Variants in RXRA observed in about 807,000 individuals in gnomAD.
RXRA encodes the protein retinoic acid receptor RXR-alpha.
In RXRA, 5 loss-of-function variants were observed where a neutral mutation model predicts 44.5. That is an observed-to-expected ratio of 0.11 (90% CI 0.06 to 0.24). RXRA has a LOEUF of 0.24. RXRA is among the 10% of genes least tolerant of loss of function. The pLI is 1.00. For synonymous variants in RXRA, 291 were observed against 271.4 expected (o/e 1.07, Z -0.71); for missense variants, 412 against 646.5 (o/e 0.64, Z 3.93).
At chr9:134,430,443 C>G (rs1831514768) in intron 7 of RXRA, among the ~76,000 whole-genome samples, 1 of 152,216 alleles carries the variant, frequency 6.6e-6, no homozygotes. Flanking sequence ...GGATTAATGC[C>G]CCAGCAGCAA....
In RXRA at chr9:134,426,306, C is replaced by CGATG; in HGVS notation, c.911-2799_911-2796dup. 1.0e-6 allele frequency: 1 copy of CGATG among 985,406 alleles called. No individual in the cohort carries two copies. Among genetic ancestry groups the CGATG allele is most frequent in the Non-Finnish European group, 1.2e-6 (1 of 829,926 alleles). The allele number at this position is 985,406 out of a possible 1,614,324, so 61.0% of individuals were successfully genotyped here. On this transcript the variant is annotated intron_variant, in intron 6 of 9. Coordinates refer to ENST00000481739, the MANE Select transcript of RXRA (RefSeq NM_002957.6). This position sits in a 1 kb window ranked among gnomAD's most constrained non-coding sequence, Gnocchi z 4.6. ...GGGCCAGGAGCCCTCCTTCCTGCAG[C>CGATG]GATGGAGCACTTAGGAAGGTGAAGA...
chr9:134,434,921 G>A (rs917235162), intron 9 of RXRA, among the ~76,000 whole-genome samples: 5 of 151,910 alleles, frequency 3.3e-5, no homozygotes, highest in Non-Finnish European at 4.4e-5. Context: ...AGGCCTTCCC[G>A]CCACCAGCAC....
At chr9:134,379,575 C>T (rs1830610571) in intron 1 of RXRA, 2 of 985,442 alleles carry the variant, frequency 2.0e-6, no homozygotes, top group Non-Finnish European at 2.4e-6. Flanking sequence ...GGGCTTGCTC[C>T]AGGCCTTGGG....
chr9:134,371,531 T>C (rs1830491046), intron 1 of RXRA, among the ~76,000 whole-genome samples: 1 of 152,230 alleles, frequency 6.6e-6, no homozygotes, highest in Non-Finnish European at 1.5e-5. Context: ...TTCCATAACA[T>C]GATCTCCCCT....
At chr9:134,387,330 G>A (rs186748060) in intron 1 of RXRA, among the ~76,000 whole-genome samples, 97 of 152,356 alleles carry the variant, frequency 6.4e-4, no homozygotes, top group African/African-American at 1.7e-3. Context: ...TCCCTAGAAG[G>A]ATGCGCTCTC....
chr9:134,404,694 A>G (rs1286632959), intron 2 of RXRA: 1 of 152,670 alleles, frequency 6.6e-6, no homozygotes, highest in Non-Finnish European at 1.5e-5. Flanking sequence ...ACAGGCGCCT[A>G]CCCGCCAGGG....
chr9:134,423,138 G>A (rs904860027), intron 6 of RXRA: 16 of 985,346 alleles, frequency 1.6e-5, no homozygotes, highest in South Asian at 4.7e-5. Context: ...TGTGAGGGGC[G>A]TGCTGACTGG....
intron 1 of RXRA, among the ~76,000 whole-genome samples, chr9:134,397,549 G>A (rs1037306210): frequency 6.6e-6 from 1 of 152,074 alleles, no homozygotes; most frequent in Non-Finnish European, 1.5e-5. Context: ...AAATCTAGTA[G>A]CTGTGAGAGG....
intron 1 of RXRA, among the ~76,000 whole-genome samples, chr9:134,373,694 G>T (rs185065072): frequency 6.6e-6 from 1 of 152,278 alleles, no homozygotes; most frequent in South Asian, 2.1e-4. Flanking sequence ...GAGGTGAGTG[G>T]CACCTCCCAC....
In RXRA at chr9:134,436,666, G is replaced by T; in HGVS notation, c.*52G>T. The T allele has an allele frequency of 6.2e-7, 1 of 1,605,036 alleles. No individual in the cohort carries two copies. The highest frequency in any genetic ancestry group is 8.5e-7 in the Non-Finnish European group (1 of 1,174,694). ...CCCGTTCTGGCCACCCTGCCTGGAC[G>T]CCAGCTGTTCTTCTCAGCCTGAGCC... On this transcript the variant is annotated 3_prime_UTR_variant, in exon 10 of 10. Transcript: ENST00000481739.
rs769141856 is a variant in RXRA, at chr9:134,401,536, C to T, written c.29-96C>T. 2.5e-4 allele frequency: 393 copies of T among 1,579,942 alleles called. 1 individual carries two copies. The highest frequency in any genetic ancestry group is 2.9e-4 in the Non-Finnish European group (340 of 1,167,840). On this transcript the variant is annotated intron_variant, in intron 1 of 9. Coordinates refer to ENST00000481739, the MANE Select transcript of RXRA (RefSeq NM_002957.6). ...CACCTTGAGGGTGCCGGGGTCTTCCCGCAGGTGCGTGCATCTGTAGCTGGG... is the reference window on the plus strand; with the variant it reads ...CACCTTGAGGGTGCCGGGGTCTTCCTGCAGGTGCGTGCATCTGTAGCTGGG...
At chr9:134,370,464 T>G (rs560989622) in intron 1 of RXRA, among the ~76,000 whole-genome samples, 2 of 152,364 alleles carry the variant, frequency 1.3e-5, no homozygotes, top group South Asian at 4.1e-4. Context: ...GCTGGTTTAC[T>G]TTGTCTCTCG....
chr9:134,378,578 A>G (rs537225869), intron 1 of RXRA, among the ~76,000 whole-genome samples: 1 of 152,302 alleles, frequency 6.6e-6, no homozygotes, highest in South Asian at 2.1e-4. Flanking sequence ...GTCCCCAAGG[A>G]GCAGTACCTG....
chr9:134,333,102 G>A (rs546765076), intron 1 of RXRA, among the ~76,000 whole-genome samples: 294 of 152,302 alleles, frequency 1.9e-3, no homozygotes, highest in Non-Finnish European at 3.0e-3. Flanking sequence ...TCTTGGGGCC[G>A]GATCAGGGAT....
chr9:134,339,640 C>T (rs371484480), intron 1 of RXRA, among the ~76,000 whole-genome samples: 20 of 122,766 alleles, frequency 1.6e-4, no homozygotes, highest in Non-Finnish European at 3.2e-4. Context: ...TGAGCCTGTG[C>T]GTGTGTCTGT....
intron 1 of RXRA, among the ~76,000 whole-genome samples, chr9:134,338,520 G>A (rs1188377176): frequency 6.6e-6 from 1 of 152,256 alleles, no homozygotes; most frequent in Non-Finnish European, 1.5e-5. Flanking sequence ...GGCTGGGAGA[G>A]GCGTGTCCCC....
chr9:134,418,605 C>T (rs1831278453), intron 5 of RXRA, among the ~76,000 whole-genome samples: 1 of 152,216 alleles, frequency 6.6e-6, no homozygotes, highest in African/African-American at 2.4e-5. Flanking sequence ...GGCTCTTCCC[C>T]AGGCTTTGGT....
intron 1 of RXRA, among the ~76,000 whole-genome samples, chr9:134,332,184 C>T (rs868919914): frequency 6.6e-6 from 1 of 152,244 alleles, no homozygotes; most frequent in Non-Finnish European, 1.5e-5. Context: ...GGGTGAGCAG[C>T]AGAGGCCCAG....
intron 1 of RXRA, among the ~76,000 whole-genome samples, chr9:134,371,442 G>C (rs1011376005): frequency 2.0e-5 from 3 of 152,222 alleles, no homozygotes; most frequent in Admixed American, 6.5e-5. Context: ...CGGGGCTGCC[G>C]TGTGTCCAGC....
Sources: allele counts gnomAD v4.1 joint callset (sites outside exome capture counted in the v4.1 genomes callset), GRCh38; gene constraint gnomAD v4.1.1; non-coding constraint Gnocchi (gnomAD v3.1); transcripts MANE v1.5; gene names NCBI Gene and HGNC (gene_info 2026-07-23, HGNC 2026-07-21).